FAM107A: variants seen among roughly 807,000 people sequenced by gnomAD.
The protein encoded by FAM107A is family with sequence similarity 107 member A, also known as actin-associated protein FAM107A.
FAM107A carries 19 observed loss-of-function variants against 13.7 expected under a neutral mutation model. The ratio of observed to expected loss-of-function variants is 1.38; its 90% CI spans 0.97 to 2.03. The LOEUF (loss-of-function observed/expected upper bound fraction) is 2.03. Among genes scored for constraint, FAM107A ranks in the 30% most tolerant of loss-of-function variants. The pLI is 0.00. For missense variants in FAM107A, 203 were observed against 184.4 expected (o/e 1.10, Z -0.58); for synonymous variants, 82 against 74.5 (o/e 1.10, Z -0.52).
At chr3:58,587,516 TGTGG>T (rs1469996383), upstream of FAM107A, among the ~76,000 whole-genome samples, 1 of 136,220 alleles carries the variant, frequency 7.3e-6, no homozygotes, top group African/African-American at 2.9e-5. Context: ...TGTGTGTGTG[TGTGG>T]CCCAGAACAG....
intron 1 of FAM107A, among the ~76,000 whole-genome samples, chr3:58,616,997 C>T (rs1302695482): frequency 1.3e-5 from 2 of 152,204 alleles, no homozygotes; most frequent in African/African-American, 4.8e-5. Flanking sequence ...TGGTCTCAAT[C>T]TCTTGACCTT....
chr3:58,575,587 A>G (rs2063724161), intron 1 of FAM107A, among the ~76,000 whole-genome samples: 1 of 152,052 alleles, frequency 6.6e-6, no homozygotes, highest in African/African-American at 2.4e-5. Flanking sequence ...TGCTCTTTCT[A>G]CCTCTCCACT....
intron 1 of FAM107A, among the ~76,000 whole-genome samples, chr3:58,576,403 C>T (rs527983592): frequency 6.6e-6 from 1 of 152,364 alleles, no homozygotes; most frequent in African/African-American, 2.4e-5. Context: ...TGATCTGGAA[C>T]AAGCATCAGC....
chr3:58,611,764 G>A (rs532941063), intron 1 of FAM107A, among the ~76,000 whole-genome samples: 47 of 152,356 alleles, frequency 3.1e-4, no homozygotes, highest in Non-Finnish European at 5.9e-4. Flanking sequence ...TTTCTCTTCC[G>A]TAAAATGGGG....
intron 1 of FAM107A, among the ~76,000 whole-genome samples, chr3:58,625,791 T>C (rs1406245416): frequency 6.6e-6 from 1 of 152,222 alleles, no homozygotes; most frequent in Non-Finnish European, 1.5e-5. Flanking sequence ...AAAGCTCCTC[T>C]TTCCAAATTA....
chr3:58,586,729 A>G, intron 1 of FAM107A: 1 of 970,046 alleles, frequency 1.0e-6, no homozygotes, highest in Non-Finnish European at 1.4e-6. Context: ...GAATGACGGA[A>G]GGTTAGGAAA....
chr3:58,608,770 G>C (rs2065823996), intron 1 of FAM107A: 1 of 152,336 alleles, frequency 6.6e-6, no homozygotes, highest in Admixed American at 6.5e-5. Context: ...ACCTCGCCCA[G>C]ATCCCATTAC....
intron 1 of FAM107A, among the ~76,000 whole-genome samples, chr3:58,585,729 A>T (rs1017849289): frequency 6.6e-6 from 1 of 152,226 alleles, no homozygotes; most frequent in South Asian, 2.1e-4. Flanking sequence ...AGCACGAGAT[A>T]GCGTTTCACC....
chr3:58,603,013 T>G (rs6445995), intron 1 of FAM107A, among the ~76,000 whole-genome samples: 18,833 of 152,200 alleles, frequency 0.12, 2,149 homozygotes, highest in African/African-American at 0.3. Flanking sequence ...GGTGGGGAAT[T>G]TTATTCATTA....
At chr3:58,609,402 C>T (rs2065831239) in intron 1 of FAM107A, 1 of 152,100 alleles carries the variant, frequency 6.6e-6, no homozygotes, top group African/African-American at 2.4e-5. Context: ...TATCTCCCCT[C>T]CTCACCCCAT....
rs1379124459 is a variant in FAM107A at position 58,599,977 on chromosome 3, A to G, written c.-69-10708T>C. Among the ~76,000 whole-genome samples, 6 of 152,042 alleles carry G rather than the reference A, an allele frequency of 3.9e-5. No individual in the cohort carries two copies. The East Asian group carries it at 9.7e-4, about 25-fold the overall frequency. Reference sequence around the variant, plus strand: ...AGACATGAGCCACCATGCCCAGCCCAGGTGCAGTATTAAATATGCGTGTTA... The same window carrying G: ...AGACATGAGCCACCATGCCCAGCCCGGGTGCAGTATTAAATATGCGTGTTA... On this transcript the variant is annotated intron_variant, in intron 1 of 3. Coordinates refer to the FAM107A transcript ENST00000465970.
intron 1 of FAM107A, among the ~76,000 whole-genome samples, chr3:58,605,146 A>G (rs1186124601): frequency 6.6e-6 from 1 of 152,188 alleles, no homozygotes; most frequent in East Asian, 1.9e-4. Context: ...ACCACAGTAT[A>G]GTCCTCACAC....
upstream of FAM107A, among the ~76,000 whole-genome samples, chr3:58,580,411 AT>A (rs35805159): frequency 0.076 from 6,796 of 88,990 alleles, 123 homozygotes; most frequent in African/African-American, 0.11. Context: ...AGGAATCTGG[AT>A]TTTTTTTTTT....
At chr3:58,621,488 T>C (rs1034235917) in intron 1 of FAM107A, among the ~76,000 whole-genome samples, 7 of 152,212 alleles carry the variant, frequency 4.6e-5, no homozygotes, top group African/African-American at 1.7e-4. Flanking sequence ...AGTGACAAGC[T>C]CATTTTTACC....
chr3:58,601,634 C>T (rs978577760), intron 1 of FAM107A, among the ~76,000 whole-genome samples: 2 of 152,162 alleles, frequency 1.3e-5, no homozygotes, highest in Admixed American at 6.6e-5. Context: ...CATGGGCAAG[C>T]GCACCCACCC....
At chr3:58,581,598 C>T (rs993841175), upstream of FAM107A, among the ~76,000 whole-genome samples, 2 of 151,540 alleles carry the variant, frequency 1.3e-5, no homozygotes, top group Non-Finnish European at 3.0e-5. Flanking sequence ...AGGATTAAAC[C>T]GTGCCCCCCG....
At position 58,570,583 on chromosome 3, in the gene FAM107A, C is replaced by CAGAGAGAGAG. The variant is rs371909507; in HGVS notation, c.-5-728_-5-719dup. Reference sequence around the variant, plus strand: ...TTGAAATGCCCAAAAGCAAATACAGCAGAGAGAGAGAGAGAGAGAGAGAGA... The same window carrying CAGAGAGAGAG: ...TTGAAATGCCCAAAAGCAAATACAGCAGAGAGAGAGAGAGAGAGAGAGAGAGAGAGAGAGA... On this transcript the variant is annotated intron_variant, in intron 1 of 3. Coordinates refer to ENST00000360997, the MANE Select transcript of FAM107A (RefSeq NM_001076778.3). Among the ~76,000 whole-genome samples, 225 of 91,018 alleles carry CAGAGAGAGAG rather than the reference C, an allele frequency of 2.5e-3. 3 individuals are homozygous for CAGAGAGAGAG. The highest frequency in any genetic ancestry group is 3.6e-3 in the Non-Finnish European group (158 of 43,434). The allele number at this position is 91,018 out of a possible 152,430, so 59.7% of individuals were successfully genotyped here. A position where few individuals can be genotyped will look rare whatever the true frequency, so the allele number is the denominator to read the frequency against.
intron 1 of FAM107A, among the ~76,000 whole-genome samples, chr3:58,620,668 A>G (rs1342331726): frequency 6.6e-6 from 1 of 152,204 alleles, no homozygotes; most frequent in Non-Finnish European, 1.5e-5. Flanking sequence ...AGACCCAGCC[A>G]GCACCTGGGC....
At chr3:58,589,158 A>C (rs1380638377), upstream of FAM107A, 1 of 1,220,610 alleles carries the variant, frequency 8.2e-7, no homozygotes, top group Non-Finnish European at 1.2e-6. Context: ...GAGTATCTGA[A>C]GGGATGGACT....
Sources: allele counts gnomAD v4.1 joint callset (sites outside exome capture counted in the v4.1 genomes callset), GRCh38; gene constraint gnomAD v4.1.1; transcripts MANE v1.5; gene names NCBI Gene and HGNC (gene_info 2026-07-23, HGNC 2026-07-21).